Variants in ATP2B3 observed in about 807,000 individuals in gnomAD.
ATP2B3 encodes the protein ATPase plasma membrane Ca2+ transporting 3.
Under a neutral mutation model 70.8 loss-of-function variants are expected in ATP2B3, and 12 were observed. The ratio of observed to expected loss-of-function variants is 0.17; its 90% CI spans 0.11 to 0.27. ATP2B3 has a LOEUF of 0.27. Ranked by LOEUF, ATP2B3 falls within the 10% of genes least tolerant of loss-of-function variation. The pLI is 1.00. For synonymous variants in ATP2B3, 460 were observed against 497.8 expected (o/e 0.92, Z 1.01); for missense variants, 858 against 1,118.5 (o/e 0.77, Z 3.32).
At chrX:153,548,961 C>A in intron 10 of ATP2B3, 107 bp downstream of exon 10, 1 of 810,409 alleles carries the variant, frequency 1.2e-6, no homozygotes, top group Non-Finnish European at 1.7e-6. Flanking sequence ...TGGGATAGCT[C>A]AAGGGAGGAG....
At chrX:153,551,945 C>G (rs782039277) in intron 12 of ATP2B3, among the ~76,000 whole-genome samples, 1 of 112,356 alleles carries the variant, frequency 8.9e-6, no homozygotes. Context: ...CCAGGGCTCC[C>G]CAAAGGCCCA....
intron 3 of ATP2B3, among the ~76,000 whole-genome samples, chrX:153,539,853 T>C (rs977929261): frequency 8.9e-6 from 1 of 112,903 alleles, no homozygotes; most frequent in South Asian, 3.6e-4. Context: ...CGGATGCCAG[T>C]CACGCACGTA....
At chrX:153,563,962 T>C (rs1463171803) in intron 20 of ATP2B3, among the ~76,000 whole-genome samples, 1 of 112,746 alleles carries the variant, frequency 8.9e-6, no homozygotes, top group Admixed American at 9.3e-5. Context: ...GAACTCCAGA[T>C]GCCCATCATC....
At chrX:153,521,789 T>C (rs886503709) in intron 2 of ATP2B3, among the ~76,000 whole-genome samples, 1 of 112,148 alleles carries the variant, frequency 8.9e-6, no homozygotes, top group Non-Finnish European at 1.9e-5. Context: ...ACCAGCCACA[T>C]TTCAAGGGCT....
At chrX:153,571,094 G>A (rs2090782611) in intron 21 of ATP2B3, among the ~76,000 whole-genome samples, 1 of 110,329 alleles carries the variant, frequency 9.1e-6, no homozygotes, top group Admixed American at 9.6e-5. Context: ...CACTCATCAT[G>A]GGGCCACCTA....
At chrX:153,528,018 C>T (rs982408862) in intron 2 of ATP2B3, among the ~76,000 whole-genome samples, 4 of 112,823 alleles carry the variant, frequency 3.5e-5, no homozygotes, top group African/African-American at 9.6e-5. Flanking sequence ...CAAAAAGGAA[C>T]GAGGACCATT....
chrX:153,550,210 A>C lies in ATP2B3; in HGVS notation c.1747A>C (p.Met583Leu). The C allele has an allele frequency of 8.2e-7, 1 of 1,212,584 alleles. No homozygotes were observed. Among genetic ancestry groups the C allele is most frequent in the Non-Finnish European group, 1.1e-6 (1 of 895,686 alleles). The part of the protein sequence containing the change: ...VYTFNSVRKS[M>L]STVIRMPDGG... ...CACCTTCAACTCGGTCCGCAAGTCC[A>C]TGAGCACAGTCATCCGCATGCCCGA... The change falls in exon 12 of 22, where the codon ATG (methionine) becomes CTG (leucine). Residue 583 changes from methionine (M) to leucine (L), a missense_variant. Coordinates refer to ENST00000263519, the MANE Select transcript of ATP2B3 (RefSeq NM_001001344.3).
At chrX:153,554,006 C>T (rs1383377524) in intron 13 of ATP2B3, among the ~76,000 whole-genome samples, 2 of 113,768 alleles carry the variant, frequency 1.8e-5, no homozygotes, top group Non-Finnish European at 3.7e-5. Flanking sequence ...CAGGTGCAAC[C>T]TGGGAGGAGA....
At chrX:153,575,485 G>A (rs782288826) in intron 21 of ATP2B3, among the ~76,000 whole-genome samples, 1 of 112,421 alleles carries the variant, frequency 8.9e-6, no homozygotes, top group Non-Finnish European at 1.9e-5. Flanking sequence ...AGGGCAGAGT[G>A]AGAAAGACTG....
chrX:153,558,274 G>A lies in ATP2B3; in HGVS notation c.2596G>A (p.Val866Met), dbSNP rs1557014796. The change falls in exon 17 of 22, where the codon GTG becomes ATG. Residue 866 changes from valine (V) to methionine (M), a missense_variant. By Grantham distance (21) the Val-to-Met change is conservative. This residue lies in a region of ATP2B3 where 50 missense variants were observed against 106.7 expected (regional missense o/e 0.47). Transcript: ENST00000263519. ...GACGGTCAATGTGGTGGCTGTGATC[G>A]TGGCCTTCACAGGTGCCTGCATTAC... ...QLTVNVVAVIVAFTGACITQD... is the reference protein window; with the variant it reads ...QLTVNVVAVIMAFTGACITQD... 4 of 1,211,209 alleles carry A rather than the reference G, an allele frequency of 3.3e-6. No homozygotes were observed. The highest frequency in any genetic ancestry group is 4.5e-6 in the Non-Finnish European group (4 of 895,059).
At chrX:153,548,876 G>C (rs782101017) in intron 10 of ATP2B3, 22 bp downstream of exon 10, 1 of 1,191,231 alleles carries the variant, frequency 8.4e-7, no homozygotes, top group South Asian at 1.8e-5. Flanking sequence ...ACTTACAGTT[G>C]ATACTGTTTA....
chrX:153,556,403 C>A lies in ATP2B3; in HGVS notation c.2311C>A (p.His771Asn). The A allele has an allele frequency of 8.3e-7, 1 of 1,205,618 alleles. No homozygotes were observed. The highest frequency in any genetic ancestry group is 1.1e-6 in the Non-Finnish European group (1 of 892,897). Residue 771 changes from histidine (H) to asparagine (N), a missense_variant, in exon 15 of 22, where the codon CAC (histidine) becomes AAC (asparagine). Physicochemically the swap from His to Asn is moderately conservative, Grantham distance 68. Transcript: ENST00000263519. ...GGCCCGGTCGTCTCCCACCGACAAG[C>A]ACACACTGGTCAAAGGTAGCCGAGC... ...VLARSSPTDK[H>N]TLVKGIIDST...
At chrX:153,527,683 G>A (rs1013087880) in intron 2 of ATP2B3, among the ~76,000 whole-genome samples, 5 of 112,364 alleles carry the variant, frequency 4.4e-5, no homozygotes, top group South Asian at 3.7e-4. Flanking sequence ...GGAGCACTGC[G>A]GGAGTCCGGG....
At chrX:153,550,637 C>G (rs1226166230) in intron 12 of ATP2B3, among the ~76,000 whole-genome samples, 1 of 111,772 alleles carries the variant, frequency 8.9e-6, no homozygotes, top group Non-Finnish European at 1.9e-5. Flanking sequence ...AAAGTTTTTC[C>G]GTTTCCCTCA....
rs182949874 is a variant in ATP2B3 at position 153,575,570 on chromosome X, C to T, written c.3343-4408C>T. Among the ~76,000 whole-genome samples, 66 of 109,599 alleles carry T rather than the reference C, an allele frequency of 6.0e-4. No individual in the cohort carries two copies. The East Asian group carries it at 0.018, about 30-fold the overall frequency. Reference sequence around the variant, plus strand: ...CCAAGACACGCTCTGGTTTTCGGGCCGCCGTGCTAAGGGCATGGAGGGGTG... The same window carrying T: ...CCAAGACACGCTCTGGTTTTCGGGCTGCCGTGCTAAGGGCATGGAGGGGTG... On this transcript the variant is annotated intron_variant, in intron 21 of 21. Coordinates refer to ENST00000263519, the MANE Select transcript of ATP2B3 (RefSeq NM_001001344.3).
chrX:153,526,660 C>T (rs1024772333), intron 2 of ATP2B3, among the ~76,000 whole-genome samples: 1 of 112,152 alleles, frequency 8.9e-6, no homozygotes, highest in Non-Finnish European at 1.9e-5. Context: ...TGGGCATCCT[C>T]GCCACTGGCT....
chrX:153,530,571 C>T (rs2090099799), intron 2 of ATP2B3, among the ~76,000 whole-genome samples: 1 of 112,594 alleles, frequency 8.9e-6, no homozygotes, highest in African/African-American at 3.2e-5. Flanking sequence ...CTGCGGCACC[C>T]GGCGCCGGAC....
chrX:153,528,284 C>A (rs893147315), intron 2 of ATP2B3, among the ~76,000 whole-genome samples: 1 of 112,376 alleles, frequency 8.9e-6, no homozygotes, highest in Non-Finnish European at 1.9e-5. Context: ...TGCCGTGTGA[C>A]CTTGAGTAGG....
At chrX:153,561,558 C>G (rs1234241973) in intron 19 of ATP2B3, among the ~76,000 whole-genome samples, 2 of 111,369 alleles carry the variant, frequency 1.8e-5, no homozygotes, top group Non-Finnish European at 3.8e-5. Context: ...TGCTGTGGTT[C>G]CCTCGGGGAG....
Sources: allele counts gnomAD v4.1 joint callset (sites outside exome capture counted in the v4.1 genomes callset), GRCh38; gene constraint gnomAD v4.1.1; regional missense constraint gnomAD v4.1.1; transcripts MANE v1.5; gene names NCBI Gene and HGNC (gene_info 2026-07-23, HGNC 2026-07-21).